Variants in PIK3C2G observed in about 807,000 individuals in gnomAD.
The protein encoded by PIK3C2G is phosphatidylinositol-4-phosphate 3-kinase catalytic subunit type 2 gamma.
PIK3C2G carries 168 observed loss-of-function variants against 181.1 expected under a neutral mutation model. The observed-to-expected ratio is 0.93, with a 90% CI of 0.82 to 1.05. The LOEUF is 1.05. Ranked by LOEUF, PIK3C2G falls within the 50% of genes least tolerant of loss-of-function variation. The pLI, the probability that PIK3C2G is intolerant of heterozygous loss-of-function variation, is 0.00. For missense variants in PIK3C2G, 1,869 were observed against 1,732.8 expected (o/e 1.08, Z -1.40); for synonymous variants, 573 against 592.2 (o/e 0.97, Z 0.47).
At position 18,635,839 on chromosome 12, in the gene PIK3C2G, A is replaced by T. The variant is rs117885515; in HGVS notation, c.4183-4590A>T. Among the ~76,000 whole-genome samples the T allele has an allele frequency of 8.2e-3, 1,247 of 152,254 alleles. 9 individuals are homozygous for T. The highest frequency in any genetic ancestry group is 0.012 in the Non-Finnish European group (814 of 68,022). ...GCCAGGCTAACACACCCAAATGAGG[A>T]GTATGTTGCATCCAAAATCCCATAG... On this transcript the variant is annotated intron_variant, in intron 31 of 32. Coordinates refer to ENST00000538779, the MANE Select transcript of PIK3C2G (RefSeq NM_001288772.2).
intron 18 of PIK3C2G, among the ~76,000 whole-genome samples, chr12:18,466,380 T>C (rs1359409411): frequency 6.6e-6 from 1 of 151,860 alleles, no homozygotes; most frequent in Non-Finnish European, 1.5e-5. Context: ...GTTCTCAACA[T>C]TATCACATTC....
intron 5 of PIK3C2G, among the ~76,000 whole-genome samples, chr12:18,312,732 A>G (rs1414021498): frequency 6.6e-6 from 1 of 152,190 alleles, no homozygotes; most frequent in Non-Finnish European, 1.5e-5. Context: ...TGGGATAGGA[A>G]TAGGCACTGA....
chr12:18,260,963 A>T (rs949264931), upstream of PIK3C2G, among the ~76,000 whole-genome samples: 4 of 152,128 alleles, frequency 2.6e-5, no homozygotes, highest in African/African-American at 9.7e-5. Context: ...TTCAGATGTT[A>T]TTAAAAATAT....
intron 8 of PIK3C2G, among the ~76,000 whole-genome samples, chr12:18,326,869 A>C (rs1951368789): frequency 6.6e-6 from 1 of 152,094 alleles, no homozygotes; most frequent in African/African-American, 2.4e-5. Flanking sequence ...TTATGAATGA[A>C]TTTTAGTTAT....
intron 31 of PIK3C2G, among the ~76,000 whole-genome samples, chr12:18,639,276 C>G (rs745505156): frequency 7.9e-5 from 12 of 151,940 alleles, no homozygotes; most frequent in Non-Finnish European, 1.6e-4. Context: ...TATTTTCTTG[C>G]TTTACTACAC....
the PIK3C2G span, among the ~76,000 whole-genome samples, chr12:18,720,261 A>G: frequency 6.6e-6 from 1 of 151,822 alleles, no homozygotes; most frequent in African/African-American, 2.4e-5. Context: ...TATTCATTCT[A>G]TCACTGATAG....
chr12:18,452,120 T>A (rs1947397175), intron 18 of PIK3C2G, among the ~76,000 whole-genome samples: 1 of 152,230 alleles, frequency 6.6e-6, no homozygotes, highest in Non-Finnish European at 1.5e-5. Context: ...CTTTTTCTAT[T>A]GTTTGGAATA....
intron 15 of PIK3C2G, among the ~76,000 whole-genome samples, chr12:18,393,682 C>A (rs1388289755): frequency 6.6e-6 from 1 of 152,030 alleles, no homozygotes; most frequent in Non-Finnish European, 1.5e-5. Context: ...CCATGACTGA[C>A]AGAATTATGA....
chr12:18,531,278 C>G (rs934239198), intron 24 of PIK3C2G, among the ~76,000 whole-genome samples: 1 of 152,020 alleles, frequency 6.6e-6, no homozygotes, highest in Admixed American at 6.6e-5. Flanking sequence ...ATCCAGATAA[C>G]TCACAATAAA....
chr12:18,641,280 T>G (rs1365274697), intron 32 of PIK3C2G, among the ~76,000 whole-genome samples: 1 of 152,180 alleles, frequency 6.6e-6, no homozygotes, highest in Admixed American at 6.5e-5. Context: ...TGCTTTCCCT[T>G]CATCTCTCCC....
chr12:18,553,017 A>G (rs1944814417), intron 26 of PIK3C2G, among the ~76,000 whole-genome samples: 2 of 152,058 alleles, frequency 1.3e-5, no homozygotes, highest in South Asian at 4.1e-4. Flanking sequence ...AAAAAGATGA[A>G]TAGTCCAGAT....
chr12:18,699,741 C>A, the PIK3C2G span: 1 of 1,500,502 alleles, frequency 6.7e-7, no homozygotes, highest in South Asian at 1.1e-5. Flanking sequence ...AACACCCTAG[C>A]AGTGAATCTA....
chr12:18,318,439 A>G (rs528393397), intron 6 of PIK3C2G, among the ~76,000 whole-genome samples: 16 of 152,200 alleles, frequency 1.1e-4, no homozygotes, highest in Non-Finnish European at 1.0e-4. Context: ...TTAATTTTAT[A>G]TATACATCAT....
intron 18 of PIK3C2G, among the ~76,000 whole-genome samples, chr12:18,462,259 C>T (rs142931654): frequency 6.0e-4 from 92 of 152,252 alleles, no homozygotes; most frequent in African/African-American, 1.9e-3. Context: ...TCCTTACAAA[C>T]GGCTGAAGAA....
intron 1 of PIK3C2G, among the ~76,000 whole-genome samples, chr12:18,281,362 G>C (rs1320463753): frequency 6.7e-6 from 1 of 149,306 alleles, no homozygotes; most frequent in Non-Finnish European, 1.5e-5. Context: ...GAGAAAGCAA[G>C]AAATTTTAAG....
At chr12:18,398,654 T>C (rs1944038696) in intron 15 of PIK3C2G, among the ~76,000 whole-genome samples, 1 of 152,108 alleles carries the variant, frequency 6.6e-6, no homozygotes. Flanking sequence ...CATGATAAAT[T>C]GTCAGCAAGT....
chr12:18,268,613 G>C (rs1340806425), intron 1 of PIK3C2G, among the ~76,000 whole-genome samples: 2 of 151,968 alleles, frequency 1.3e-5, no homozygotes, highest in Non-Finnish European at 2.9e-5. Flanking sequence ...TCCCACTGTT[G>C]TGCCTCCTAT....
rs184711329 is a variant in PIK3C2G, at chr12:18,543,621, T to C, written c.3481-2702T>C. On this transcript the variant is annotated intron_variant, in intron 25 of 32. Coordinates refer to ENST00000538779, the MANE Select transcript of PIK3C2G (RefSeq NM_001288772.2). ...TCTTCTGCATATGGCTAGCCAGTTA[T>C]CCCAACAGCATTTGTTGAATAGGGA... Among the ~76,000 whole-genome samples, 16 of 152,094 alleles carry C rather than the reference T, an allele frequency of 1.1e-4. No individual in the cohort carries two copies. The East Asian group carries it at 3.1e-3, about 30-fold the overall frequency.
chr12:18,320,924 T>C (rs779075134), intron 6 of PIK3C2G, 38 bp from the exon 7 acceptor site: 7 of 1,143,618 alleles, frequency 6.1e-6, no homozygotes, highest in African/African-American at 4.7e-5. Context: ...CTCATTCCTA[T>C]TCACTCAATA....
Sources: allele counts gnomAD v4.1 joint callset (sites outside exome capture counted in the v4.1 genomes callset), GRCh38; gene constraint gnomAD v4.1.1; transcripts MANE v1.5; gene names NCBI Gene and HGNC (gene_info 2026-07-23, HGNC 2026-07-21).